The following MYOM2 variants were observed in gnomAD, a reference collection of about 807,000 sequenced individuals.
The protein encoded by MYOM2 is myomesin 2, also known as myomesin-2.
In MYOM2, 254 loss-of-function variants were observed where a neutral mutation model predicts 187.6. That is an observed-to-expected ratio of 1.35 (90% CI 1.22 to 1.50). MYOM2 has a LOEUF of 1.50. Among genes scored for constraint, MYOM2 ranks in the 40% most tolerant of loss-of-function variants. The pLI is 0.00. For missense variants in MYOM2, 2,796 were observed against 1,924.0 expected, an observed-to-expected ratio of 1.45 and a Z score of -8.48; for synonymous variants, 981 against 753.8, an observed-to-expected ratio of 1.30 and a Z score of -4.94.
At chr8:2,116,141 T>C in intron 26 of MYOM2, 37 bp downstream of exon 26, 1 of 1,604,468 alleles carries the variant, frequency 6.2e-7, no homozygotes, top group African/African-American at 1.3e-5. Context: ...CCATACAAGA[T>C]AATTCAAATG....
Position 2,059,152 on chromosome 8 carries a change from G to T in MYOM2, c.561-1G>T. 1 of 1,613,870 alleles carries T rather than the reference G, an allele frequency of 6.2e-7. No homozygotes were observed. Among genetic ancestry groups the T allele is most frequent in the Non-Finnish European group, 8.5e-7 (1 of 1,179,850 alleles). On this transcript the variant is annotated splice_acceptor_variant, in intron 5 of 36. Coordinates refer to ENST00000262113, the MANE Select transcript of MYOM2 (RefSeq NM_003970.4). LOFTEE classifies it high-confidence loss of function. ...ACTAAAAACATGCCTCCCTCATTTA[G>T]GTACAAAGATGGCAGTCTGATTTGC...
chr8:2,084,752 CT>C (rs1341836462), intron 13 of MYOM2, among the ~76,000 whole-genome samples: 7 of 152,130 alleles, frequency 4.6e-5, no homozygotes, highest in Non-Finnish European at 7.3e-5. Context: ...TGGTACTGAG[CT>C]TTTGAGGGAG....
chr8:2,100,584 C>G, intron 19 of MYOM2: 1 of 401,412 alleles, frequency 2.5e-6, no homozygotes, highest in Non-Finnish European at 4.6e-6. Context: ...TCCCGCACAC[C>G]GTTCCTCTCT....
In MYOM2 at chr8:2,097,174, C is replaced by T. The variant is rs149831434; in HGVS notation, c.2313+740C>T. The T allele has an allele frequency of 3.0e-5, 26 of 880,620 alleles. No individual in the cohort carries two copies. In the Middle Eastern group the frequency reaches 1.7e-3, roughly 58 times the overall value. The allele number at this position is 880,620 out of a possible 1,614,324, so 54.6% of individuals were successfully genotyped here. A position where few individuals can be genotyped will look rare whatever the true frequency, so the allele number is the denominator to read the frequency against. On this transcript the variant is annotated intron_variant, in intron 18 of 36. Coordinates refer to ENST00000262113, the MANE Select transcript of MYOM2 (RefSeq NM_003970.4). ...AGGCCTTAGAAGATCTAATCTTTGT[C>T]TACTAGAAAATTCTGCCTTATAAAT...
intron 6 of MYOM2, among the ~76,000 whole-genome samples, chr8:2,068,506 G>C: frequency 6.6e-6 from 1 of 150,696 alleles, no homozygotes; most frequent in East Asian, 2.0e-4. Flanking sequence ...GTGTGCACCA[G>C]GCAGAGAGCA....
At chr8:2,061,170 C>T (rs966032271) in intron 6 of MYOM2, among the ~76,000 whole-genome samples, 1 of 151,898 alleles carries the variant, frequency 6.6e-6, no homozygotes, top group Non-Finnish European at 1.5e-5. Flanking sequence ...AAGGAGCTGT[C>T]TCCGGTTTAG....
chr8:2,128,278 A>T (rs62479963), intron 31 of MYOM2, among the ~76,000 whole-genome samples: 1 of 152,268 alleles, frequency 6.6e-6, no homozygotes, highest in Non-Finnish European at 1.5e-5. Flanking sequence ...AGTAATTTTA[A>T]GATTCATAAT....
chr8:2,061,305 G>C (rs1254970846), intron 6 of MYOM2, among the ~76,000 whole-genome samples: 1 of 152,086 alleles, frequency 6.6e-6, no homozygotes, highest in African/African-American at 2.4e-5. Flanking sequence ...AGTGTTTAGT[G>C]AGGGAGGGCG....
rs1796046630 is a variant in MYOM2, at chr8:2,086,326, CGTGG to C, written c.1644+937_1644+940del. On this transcript the variant is annotated intron_variant, in intron 14 of 36. Transcript: ENST00000262113. ...TGGCCCCCCACAGTCGTGATCTCTGCGTGGCCCCCCACTGTTGTGATCTCTGCGT... is the reference window on the plus strand; with the variant it reads ...TGGCCCCCCACAGTCGTGATCTCTGCCCCCCCACTGTTGTGATCTCTGCGT... 2.7e-5 allele frequency among the ~76,000 whole-genome samples: 2 copies of C among 73,538 alleles called. 1 individual carries two copies. The highest frequency in any genetic ancestry group is 1.2e-4 in the African/African-American group (2 of 16,260). 48.2% of individuals were successfully genotyped at this position (73,538 alleles called of 152,430 possible).
At chr8:2,086,273 C>CTTTG (rs1554546989) in intron 14 of MYOM2, among the ~76,000 whole-genome samples, 9 of 84,458 alleles carry the variant, frequency 1.1e-4, no homozygotes, top group Non-Finnish European at 1.7e-4. Flanking sequence ...GTCATGATCT[C>CTTTG]TGGCACCCCA....
intron 31 of MYOM2, chr8:2,127,621 CGGCGTGACGCGGTGACGCAGCCGCAG>C (rs1797697261): frequency 6.2e-6 from 1 of 160,634 alleles, no homozygotes; most frequent in Non-Finnish European, 1.4e-5. Context: ...GGCAGTACCT[CGGCGTGACGCGGTGACGCAGCCGCAG>C]GCAGGCAGTA....
At chr8:2,061,550 G>A (rs924077530) in intron 6 of MYOM2, among the ~76,000 whole-genome samples, 2 of 152,146 alleles carry the variant, frequency 1.3e-5, no homozygotes, top group African/African-American at 4.8e-5. Context: ...GGTGGCCTGA[G>A]CATGGCTTCT....
rs373862831 is a variant in MYOM2, at chr8:2,078,805, C to G, written c.1334C>G (p.Thr445Arg). 57 of 1,614,046 alleles carry G rather than the reference C, an allele frequency of 3.5e-5. No individual in the cohort carries two copies. The highest frequency in any genetic ancestry group is 4.3e-5 in the Non-Finnish European group (51 of 1,180,038). Reference sequence around the variant, plus strand: ...GTGAAAATCTGCAAATACCCGGTCACAGGGCTTTTTGAAGGAAGGTCTTAC... The same window carrying G: ...GTGAAAATCTGCAAATACCCGGTCAGAGGGCTTTTTGAAGGAAGGTCTTAC... ...APVKICKYPV[T>R]GLFEGRSYIF... is the part of the protein sequence containing the mutation. Residue 445 changes from threonine to arginine, a missense_variant, in exon 12 of 37, where the codon ACA becomes AGA. By Grantham distance (71) the Thr-to-Arg change is moderately conservative. Transcript: ENST00000262113.
chr8:2,055,498 G>T (rs901217797), intron 3 of MYOM2, among the ~76,000 whole-genome samples: 4 of 151,930 alleles, frequency 2.6e-5, no homozygotes, highest in Non-Finnish European at 5.9e-5. Context: ...GTAGGGAAAG[G>T]CTGTGTGTGT....
chr8:2,052,437 T>TGTGAGA, intron 3 of MYOM2, 124 bp downstream of exon 3: 1 of 1,055,634 alleles, frequency 9.5e-7, no homozygotes, highest in Non-Finnish European at 1.3e-6. Flanking sequence ...AGGCCATGCC[T>TGTGAGA]GGGGTGAGAG....
chr8:2,145,222 C>T lies in MYOM2; in HGVS notation c.*241C>T. On this transcript the variant is annotated 3_prime_UTR_variant, in exon 37 of 37. Coordinates refer to ENST00000262113, the MANE Select transcript of MYOM2 (RefSeq NM_003970.4). ...TTTACACGAGGGTAGACGGCAGATG[C>T]CTGACAGAGAGTGGGTTGGCAGACA... 3.5e-6 allele frequency: 2 copies of T among 576,000 alleles called. No individual in the cohort carries two copies. The highest frequency in any genetic ancestry group is 3.0e-6 in the Non-Finnish European group (1 of 331,530). The allele number at this position is 576,000 out of a possible 1,614,324, so 35.7% of individuals were successfully genotyped here.
intron 17 of MYOM2, 117 bp downstream of exon 17, chr8:2,094,208 C>A: frequency 7.5e-7 from 1 of 1,334,968 alleles, no homozygotes; most frequent in Non-Finnish European, 1.0e-6. Flanking sequence ...GGACTAAATT[C>A]CTGAACAGAG....
At chr8:2,136,297 G>A (rs889414091) in intron 32 of MYOM2, among the ~76,000 whole-genome samples, 1 of 152,186 alleles carries the variant, frequency 6.6e-6, no homozygotes, top group African/African-American at 2.4e-5. Flanking sequence ...AGGGCATCTT[G>A]CATGCATGCA....
intron 1 of MYOM2, among the ~76,000 whole-genome samples, chr8:2,046,907 G>A (rs1333595308): frequency 1.3e-5 from 2 of 152,100 alleles, no homozygotes; most frequent in African/African-American, 4.8e-5. Context: ...GTCATAAATA[G>A]TACAGGTTGA....
Sources: allele counts gnomAD v4.1 joint callset (sites outside exome capture counted in the v4.1 genomes callset), GRCh38; gene constraint gnomAD v4.1.1; transcripts MANE v1.5; gene names NCBI Gene and HGNC (gene_info 2026-07-23, HGNC 2026-07-21).